The following MBD3L1 variants were observed in gnomAD, a reference collection of about 807,000 sequenced individuals.
MBD3L1 encodes the protein methyl-CpG-binding domain protein 3-like 1.
For missense variants in MBD3L1, 203 were observed against 230.1 expected (o/e 0.88, Z 0.76); for synonymous variants, 84 against 85.1 (o/e 0.99, Z 0.07).
intron 1 of MBD3L1, among the ~76,000 whole-genome samples, chr19:8,834,768 C>A (rs1222462463): frequency 6.6e-6 from 1 of 152,024 alleles, no homozygotes; most frequent in East Asian, 1.9e-4. Flanking sequence ...AAACTATAAA[C>A]TTCTTGGAAG....
At position 8,843,182 on chromosome 19, in the gene MBD3L1, C is replaced by T. The variant is rs141545421; in HGVS notation, c.504C>T (p.Leu168=). ...AAGTGAAGACAGTCAGAGAGAGACT[C>T]GCAATAGCACTGATTGCGGATGGAC... The part of the protein sequence containing the change: ...EGKVKTVRER[L]AIALIADGLA... Residue 168 remains leucine, a synonymous_variant, in exon 3 of 3, where the codon CTC becomes CTT. Transcript: ENST00000595891. 54 of 1,613,216 alleles carry T rather than the reference C, an allele frequency of 3.3e-5. No individual in the cohort carries two copies. The highest frequency in any genetic ancestry group is 1.6e-4 in the Middle Eastern group (1 of 6,084).
chr19:8,834,833 T>C lies in MBD3L1; in HGVS notation c.-107+2311T>C, dbSNP rs76160082. 1.2e-3 allele frequency among the ~76,000 whole-genome samples: 187 copies of C among 152,088 alleles called. 4 individuals are homozygous for C. In the East Asian group the frequency reaches 0.03, roughly 25 times the overall value. Reference sequence around the variant, plus strand: ...GGGTTAGGCAATTGTTTCTTAGATATGACATCAAAAACAGGTGGCGAAAGA... The same window carrying C: ...GGGTTAGGCAATTGTTTCTTAGATACGACATCAAAAACAGGTGGCGAAAGA... On this transcript the variant is annotated intron_variant, in intron 1 of 2. Coordinates refer to ENST00000595891, the MANE Select transcript of MBD3L1 (RefSeq NM_001393532.1).
intron 2 of MBD3L1, among the ~76,000 whole-genome samples, chr19:8,841,648 C>T (rs2145356764): frequency 6.6e-6 from 1 of 152,230 alleles, no homozygotes. Flanking sequence ...CCTCCAGCTC[C>T]CGGGTTCAAG....
intron 1 of MBD3L1, among the ~76,000 whole-genome samples, chr19:8,836,348 TTCC>T (rs1030170202): frequency 7.2e-5 from 11 of 152,022 alleles, no homozygotes; most frequent in Admixed American, 3.9e-4. Flanking sequence ...CTTCTTCCTC[TTCC>T]TCCTCCTCCT....
At chr19:8,834,556 C>T (rs1444164445) in intron 1 of MBD3L1, among the ~76,000 whole-genome samples, 4 of 148,898 alleles carry the variant, frequency 2.7e-5, no homozygotes, top group African/African-American at 5.0e-5. Flanking sequence ...TGCAGTGAGC[C>T]GAGATCACCC....
chr19:8,832,772 A>G (rs1368170560), intron 1 of MBD3L1, among the ~76,000 whole-genome samples: 1 of 149,372 alleles, frequency 6.7e-6, no homozygotes, highest in Non-Finnish European at 1.5e-5. Flanking sequence ...GAGACCAGTT[A>G]CAGGGGTGGA....
At chr19:8,838,003 C>A (rs1485586232) in intron 1 of MBD3L1, among the ~76,000 whole-genome samples, 1 of 151,862 alleles carries the variant, frequency 6.6e-6, no homozygotes, top group Non-Finnish European at 1.5e-5. Context: ...AATCCCAGCA[C>A]TTTGGGAGGC....
rs768510675 is a variant in MBD3L1, at chr19:8,842,742, T to A, written c.64T>A (p.Leu22Met). Reference sequence around the variant, plus strand: ...AAACCAATGCAAATCAAAGCCTGGCTTGAGCACCTCAATCCCTTTGAGAAT... The same window carrying A: ...AAACCAATGCAAATCAAAGCCTGGCATGAGCACCTCAATCCCTTTGAGAAT... ...CVNQCKSKPG[L>M]STSIPLRMSS... Residue 22 changes from leucine to methionine, a missense_variant, in exon 3 of 3, where the codon TTG (leucine) becomes ATG (methionine). Physicochemically the swap from Leu to Met is conservative, Grantham distance 15 (BLOSUM62 2). Coordinates refer to ENST00000595891, the MANE Select transcript of MBD3L1 (RefSeq NM_001393532.1). 6.2e-7 allele frequency: 1 copy of A among 1,614,120 alleles called. No individual in the cohort carries two copies. The highest frequency in any genetic ancestry group is 8.5e-7 in the Non-Finnish European group (1 of 1,180,056).
At chr19:8,840,118 A>G (rs1033112579) in intron 1 of MBD3L1, among the ~76,000 whole-genome samples, 3 of 147,412 alleles carry the variant, frequency 2.0e-5, no homozygotes, top group African/African-American at 7.5e-5. Context: ...CGGGCAGTGG[A>G]GGTTGCAGTG....
At chr19:8,838,389 G>T (rs1029472545) in intron 1 of MBD3L1, among the ~76,000 whole-genome samples, 11 of 150,846 alleles carry the variant, frequency 7.3e-5, no homozygotes, top group Non-Finnish European at 1.5e-4. Flanking sequence ...ATGTCCCATG[G>T]AAACAAACTG....
intron 1 of MBD3L1, among the ~76,000 whole-genome samples, chr19:8,836,702 G>A (rs12975810): frequency 0.17 from 25,646 of 152,088 alleles, 2,709 homozygotes; most frequent in East Asian, 0.27. Context: ...ACACCACAGA[G>A]GCTAGTCTCG....
intron 1 of MBD3L1, among the ~76,000 whole-genome samples, chr19:8,840,583 G>A (rs1013238453): frequency 6.6e-5 from 10 of 152,178 alleles, no homozygotes; most frequent in Non-Finnish European, 1.3e-4. Flanking sequence ...GGGATTAGAT[G>A]TGTGAGCCAC....
At chr19:8,836,121 G>A (rs137893612) in intron 1 of MBD3L1, among the ~76,000 whole-genome samples, 1 of 152,202 alleles carries the variant, frequency 6.6e-6, no homozygotes, top group African/African-American at 2.4e-5. Flanking sequence ...TTACACAAAA[G>A]TGTAAAAACT....
chr19:8,839,043 C>A (rs2044483571), intron 1 of MBD3L1, among the ~76,000 whole-genome samples: 1 of 152,092 alleles, frequency 6.6e-6, no homozygotes, highest in South Asian at 2.1e-4. Flanking sequence ...CACATGAGAC[C>A]TTTTAAATGA....
intron 1 of MBD3L1, among the ~76,000 whole-genome samples, chr19:8,836,223 T>G (rs2967737): frequency 2.6e-5 from 4 of 152,136 alleles, no homozygotes; most frequent in African/African-American, 9.7e-5. Context: ...CAGTTAGGCA[T>G]AATAAGAGAA....
At chr19:8,841,631 A>G (rs2044513669) in intron 2 of MBD3L1, among the ~76,000 whole-genome samples, 1 of 152,034 alleles carries the variant, frequency 6.6e-6, no homozygotes, top group South Asian at 2.1e-4. Context: ...ATCTCGGCTC[A>G]CTGCCACCTC....
At position 8,840,969 on chromosome 19, in the gene MBD3L1, T is replaced by C. The variant is rs1405170637; in HGVS notation, c.-52T>C. 6.6e-6 allele frequency: 1 copy of C among 152,046 alleles called. No individual in the cohort carries two copies. Among genetic ancestry groups the C allele is most frequent in the Non-Finnish European group, 1.5e-5 (1 of 67,990 alleles). 9.4% of individuals were successfully genotyped at this position (152,046 alleles called of 1,614,324 possible). A position where few individuals can be genotyped will look rare whatever the true frequency, so the allele number is the denominator to read the frequency against. ...CACAGAGAACAGGGACCTTCCAAGT[T>C]TGAAGTTTTACAAGGCAGGTGTGAT... is the stretch of plus-strand genomic sequence containing the variant. On this transcript the variant is annotated 5_prime_UTR_variant, in exon 2 of 3. Coordinates refer to ENST00000595891, the MANE Select transcript of MBD3L1 (RefSeq NM_001393532.1).
chr19:8,839,807 A>AG (rs1486399518), intron 1 of MBD3L1, among the ~76,000 whole-genome samples: 1 of 152,082 alleles, frequency 6.6e-6, no homozygotes, highest in South Asian at 2.1e-4. Flanking sequence ...GTGGTGAAGG[A>AG]GGGGGTCCCA....
chr19:8,842,743 T>C lies in MBD3L1; in HGVS notation c.65T>C (p.Leu22Ser). The change falls in exon 3 of 3, where the codon TTG (leucine) becomes TCG (serine). Residue 22 changes from leucine to serine, a missense_variant. Transcript: ENST00000595891. ...CVNQCKSKPG[L>S]STSIPLRMSS... ...AACCAATGCAAATCAAAGCCTGGCT[T>C]GAGCACCTCAATCCCTTTGAGAATG... 6.2e-7 allele frequency: 1 copy of C among 1,614,220 alleles called. No homozygotes were observed.
Sources: allele counts gnomAD v4.1 joint callset (sites outside exome capture counted in the v4.1 genomes callset), GRCh38; gene constraint gnomAD v4.1.1; transcripts MANE v1.5; gene names NCBI Gene and HGNC (gene_info 2026-07-23, HGNC 2026-07-21).